RADX: variants seen among roughly 807,000 people sequenced by gnomAD.
RADX encodes RPA-related protein RADX.
In RADX, 36 loss-of-function variants were observed where a neutral mutation model predicts 61.6. That is an observed-to-expected ratio of 0.58 (90% CI 0.45 to 0.77). The LOEUF (loss-of-function observed/expected upper bound fraction) is 0.77. Among genes scored for constraint, RADX ranks in the 30% least tolerant of loss-of-function variants. RADX has a pLI of 0.00. For missense variants in RADX, 497 were observed against 651.1 expected (o/e 0.76, Z 2.58); for synonymous variants, 272 against 237.9 (o/e 1.14, Z -1.32).
At position 106,612,001 on chromosome X, in the gene RADX, A is replaced by G; in HGVS notation, c.-80A>G. 1.0e-6 allele frequency: 1 copy of G among 972,007 alleles called. No homozygotes were observed. The highest frequency in any genetic ancestry group is 1.4e-6 in the Non-Finnish European group (1 of 708,053). 80.1% of individuals were successfully genotyped at this position (972,007 alleles called of 1,213,427 possible). A position where few individuals can be genotyped will look rare whatever the true frequency, so the allele number is the denominator to read the frequency against. ...GGGGCAGAGTAGCGATCGTCGCCAA[A>G]GCGCGCGGTTTTATTTCTCTCCGCT... On this transcript the variant is annotated 5_prime_UTR_variant, in exon 1 of 14. Transcript: ENST00000372548.
At chrX:106,673,999 A>G (rs949334636) in intron 13 of RADX, among the ~76,000 whole-genome samples, 2 of 110,881 alleles carry the variant, frequency 1.8e-5, no homozygotes, top group Non-Finnish European at 3.8e-5. Context: ...CAGGGCACAG[A>G]AATGCTCTCT....
Position 106,612,307 on chromosome X carries a change from G to A in RADX, c.227G>A (p.Arg76Lys). 8.3e-7 allele frequency: 1 copy of A among 1,211,806 alleles called. No individual in the cohort carries two copies. The highest frequency in any genetic ancestry group is 1.1e-6 in the Non-Finnish European group (1 of 895,552). ...VVPVTVLAVQ[R>K]YLLEDEPRDT... Reference sequence around the variant, plus strand: ...CCTGTAACTGTGCTGGCCGTCCAGAGGTACCTGTTAGAGGATGAGCCACGC... The same window carrying A: ...CCTGTAACTGTGCTGGCCGTCCAGAAGTACCTGTTAGAGGATGAGCCACGC... Residue 76 changes from arginine to lysine, a missense_variant, in exon 1 of 14, where the codon AGG (arginine) becomes AAG (lysine). This residue lies in a region of RADX where 196 missense variants were observed against 315.0 expected (regional missense o/e 0.62). Transcript: ENST00000372548.
chrX:106,612,489 C>A lies in RADX; in HGVS notation c.409C>A (p.Leu137Ile), dbSNP rs745999698. The change falls in exon 1 of 14, where the codon CTT (leucine) becomes ATT (isoleucine). Residue 137 changes from leucine to isoleucine, a missense_variant. Physicochemically the swap from Leu to Ile is conservative, Grantham distance 5. Around this residue, in one of 3 missense-constraint regions of RADX, gnomAD observed 196 missense variants for 315.0 expected, o/e 0.62. Transcript: ENST00000372548. ...IQMRISRVSC[L>I]YNEKRIGQGI... ...AATGAGAATTTCCAGGGTCTCATGT[C>A]TTTACAATGAGAAAAGGATAGGCCA... 8.3e-7 allele frequency: 1 copy of A among 1,208,782 alleles called. No homozygotes were observed. The highest frequency in any genetic ancestry group is 1.8e-5 in the African/African-American group (1 of 57,110).
At chrX:106,637,297 A>G (rs1927382870) in intron 7 of RADX, among the ~76,000 whole-genome samples, 1 of 111,975 alleles carries the variant, frequency 8.9e-6, no homozygotes, top group Non-Finnish European at 1.9e-5. Context: ...TATTTTATAA[A>G]TACTATCAGA....
chrX:106,622,356 G>T (rs1926973594), intron 1 of RADX, among the ~76,000 whole-genome samples: 1 of 109,936 alleles, frequency 9.1e-6, no homozygotes. Flanking sequence ...GGTTTTCCAG[G>T]AAGTTATTAA....
rs199864873 is a variant in RADX, at chrX:106,678,172, G to A, written c.2482G>A (p.Val828Ile). 3.5e-5 allele frequency: 41 copies of A among 1,175,500 alleles called. No individual in the cohort carries two copies. Among genetic ancestry groups the A allele is most frequent in the Non-Finnish European group, 4.6e-5 (40 of 864,155 alleles). The change falls in exon 14 of 14, where the codon GTC (valine) becomes ATC (isoleucine). Residue 828 changes from valine (V) to isoleucine (I), a missense_variant. Physicochemically the swap from Val to Ile is conservative, Grantham distance 29. Transcript: ENST00000372548. ...AATELDRVHI[V>I]GILDICNLGN... ...AACTGAACTGGATAGAGTGCATATC[G>A]TCGGTATCTTGGATATCTGTAATTT...
At chrX:106,675,904 C>G (rs772597338) in intron 13 of RADX, among the ~76,000 whole-genome samples, 1 of 111,429 alleles carries the variant, frequency 9.0e-6, no homozygotes, top group African/African-American at 3.3e-5. Flanking sequence ...AACTACCATT[C>G]TAAATGCTTT....
At chrX:106,663,348 CT>C (rs747578333) in intron 12 of RADX, among the ~76,000 whole-genome samples, 1 of 111,429 alleles carries the variant, frequency 9.0e-6, no homozygotes, top group South Asian at 3.7e-4. Context: ...AGTCTGAATT[CT>C]CACTGACTCC....
chrX:106,619,989 A>T, intron 1 of RADX, among the ~76,000 whole-genome samples: 2 of 111,337 alleles, frequency 1.8e-5, no homozygotes, highest in Admixed American at 1.9e-4. Context: ...TGGTCCAGGG[A>T]CCTCTAGTGG....
intron 10 of RADX, among the ~76,000 whole-genome samples, chrX:106,641,305 T>A (rs1381201339): frequency 3.6e-5 from 4 of 109,889 alleles, no homozygotes. Flanking sequence ...GTCCTTCTCA[T>A]ATGCAAAATA....
chrX:106,664,814 T>G (rs916685085), intron 12 of RADX, among the ~76,000 whole-genome samples: 5 of 110,430 alleles, frequency 4.5e-5, no homozygotes, highest in Non-Finnish European at 9.5e-5. Flanking sequence ...ACTCCATTCA[T>G]AAGAGAGACT....
intron 11 of RADX, among the ~76,000 whole-genome samples, chrX:106,654,337 T>G (rs1927879015): frequency 9.0e-6 from 1 of 111,619 alleles, no homozygotes; most frequent in Non-Finnish European, 1.9e-5. Flanking sequence ...TATCTTCTTT[T>G]GAGAAGTGTC....
intron 3 of RADX, among the ~76,000 whole-genome samples, chrX:106,628,215 A>G (rs1033801740): frequency 4.5e-5 from 5 of 112,322 alleles, no homozygotes; most frequent in African/African-American, 1.6e-4. Context: ...ATGCAAAAGT[A>G]AGTAATATAC....
intron 13 of RADX, among the ~76,000 whole-genome samples, chrX:106,670,583 G>A (rs942556001): frequency 9.2e-6 from 1 of 109,033 alleles, no homozygotes; most frequent in South Asian, 3.9e-4. Flanking sequence ...CAAACAAAGT[G>A]GTTCATTTTG....
In RADX at chrX:106,642,720, C is replaced by A. The variant is rs1927550635; in HGVS notation, c.1904+1999C>A. Among the ~76,000 whole-genome samples, 3 of 111,770 alleles carry A rather than the reference C, an allele frequency of 2.7e-5. No homozygotes were observed. In the South Asian group the frequency reaches 1.1e-3, roughly 42 times the overall value. On this transcript the variant is annotated intron_variant, in intron 10 of 13. Transcript: ENST00000372548. ...ACAGTGCTGCAGCAACATAGGAGTGCAGATATCTCTTTGGTATACTGATTT... is the reference window on the plus strand; with the variant it reads ...ACAGTGCTGCAGCAACATAGGAGTGAAGATATCTCTTTGGTATACTGATTT...
chrX:106,634,564 C>CT (rs1316295720), intron 6 of RADX, among the ~76,000 whole-genome samples: 4 of 111,596 alleles, frequency 3.6e-5, no homozygotes, highest in Non-Finnish European at 7.5e-5. Context: ...TTATACACCT[C>CT]TGCTTTGTTA....
chrX:106,675,538 C>T (rs1351052821), intron 13 of RADX, among the ~76,000 whole-genome samples: 2 of 112,032 alleles, frequency 1.8e-5, no homozygotes, highest in Non-Finnish European at 3.8e-5. Flanking sequence ...CCAGAATTGA[C>T]ACATTACTTC....
intron 13 of RADX, among the ~76,000 whole-genome samples, chrX:106,674,859 A>T (rs1569430633): frequency 9.0e-6 from 1 of 110,706 alleles, no homozygotes; most frequent in Non-Finnish European, 1.9e-5. Context: ...CCCCGTCTCT[A>T]CTAAAAATAC....
chrX:106,617,020 G>GTTTTTTT (rs60413185), intron 1 of RADX, among the ~76,000 whole-genome samples: 39 of 54,541 alleles, frequency 7.2e-4, no homozygotes, highest in African/African-American at 7.9e-4. Context: ...GTGTGTGTGG[G>GTTTTTTT]TTTTTTTTTT....
Sources: gnomAD v4.1 joint callset for allele counts (sites outside exome capture counted in the v4.1 genomes callset) on GRCh38, gnomAD v4.1.1 for gene constraint, gnomAD v4.1.1 regional missense constraint, MANE v1.5 for transcripts, NCBI Gene and HGNC (gene_info 2026-07-23, HGNC 2026-07-21) for gene names.